Variants in COG5 observed in about 807,000 individuals in gnomAD.
The protein encoded by COG5 is conserved oligomeric Golgi complex subunit 5.
In COG5, 86 loss-of-function variants were observed where a neutral mutation model predicts 110.4. The ratio of observed to expected loss-of-function variants is 0.78; its 90% CI spans 0.65 to 0.93. The LOEUF (loss-of-function observed/expected upper bound fraction) is 0.93, where lower values mean the gene tolerates loss of function less well. Among genes scored for constraint, COG5 ranks in the 40% least tolerant of loss-of-function variants. The pLI is 0.00. For missense variants in COG5, 1,077 were observed against 987.0 expected, an observed-to-expected ratio of 1.09 and a Z score of -1.22; for synonymous variants, 360 against 334.6, an observed-to-expected ratio of 1.08 and a Z score of -0.83.
At chr7:107,541,326 G>A (rs1801968198) in intron 5 of COG5, among the ~76,000 whole-genome samples, 1 of 149,746 alleles carries the variant, frequency 6.7e-6, no homozygotes, top group South Asian at 2.1e-4. Flanking sequence ...ACAGAACCCG[G>A]TCTCTACAAA....
chr7:107,223,826 T>G (rs1800125118), intron 19 of COG5, among the ~76,000 whole-genome samples: 1 of 152,190 alleles, frequency 6.6e-6, no homozygotes, highest in Admixed American at 6.5e-5. Context: ...GCTGTGGGTT[T>G]TAATTGCCTC....
intron 6 of COG5, among the ~76,000 whole-genome samples, chr7:107,512,580 C>A (rs922130521): frequency 1.1e-4 from 17 of 152,168 alleles, no homozygotes; most frequent in Non-Finnish European, 2.4e-4. Flanking sequence ...AAAGAGCCCA[C>A]ATTGCCAAGT....
Position 107,283,668 on chromosome 7 carries a change from A to G in COG5, c.1378T>C (p.Ser460Pro), listed in dbSNP as rs1805373196. ...AAGTTGATAGGATCGAAGAGTCGAG[A>G]TAAGGATTTTGATAGATAAGCAGCC... is the stretch of plus-strand genomic sequence containing the variant. ...YEAAYLSKSLSRLFDPINLVF... is the reference protein window; with the variant it reads ...YEAAYLSKSLPRLFDPINLVF... Residue 460 changes from serine (S) to proline (P), a missense_variant, in exon 13 of 22, where the codon TCT becomes CCT. Ser to Pro is a moderately conservative substitution (Grantham distance 74, BLOSUM62 -1). Coordinates refer to ENST00000297135, the MANE Select transcript of COG5 (RefSeq NM_006348.5). 6.2e-7 allele frequency: 1 copy of G among 1,613,886 alleles called. No individual in the cohort carries two copies. The highest frequency in any genetic ancestry group is 1.3e-5 in the African/African-American group (1 of 74,916).
chr7:107,518,795 T>C (rs1800125433), intron 6 of COG5, among the ~76,000 whole-genome samples: 1 of 152,228 alleles, frequency 6.6e-6, no homozygotes, highest in Non-Finnish European at 1.5e-5. Context: ...GAACTCACTC[T>C]GGATCAAGTG....
chr7:107,487,391 G>A (rs988818982), intron 6 of COG5, among the ~76,000 whole-genome samples: 4 of 151,874 alleles, frequency 2.6e-5, no homozygotes, highest in African/African-American at 9.7e-5. Flanking sequence ...TTAAGAGATG[G>A]GGGTCTCACT....
chr7:107,335,215 C>T lies in COG5; in HGVS notation c.1027-10694G>A, dbSNP rs544319693. Among the ~76,000 whole-genome samples the T allele has an allele frequency of 5.3e-5, 8 of 152,164 alleles. No homozygotes were observed. In the South Asian group the frequency reaches 8.3e-4, roughly 16 times the overall value. On this transcript the variant is annotated intron_variant, in intron 10 of 21. Coordinates refer to ENST00000297135, the MANE Select transcript of COG5 (RefSeq NM_006348.5). ...GACCAGCCTGGCCAAGATGGTGAAA[C>T]CCTGCCTCTACTAAAAATACAAAAA...
chr7:107,478,140 G>A (rs563841362), intron 6 of COG5, among the ~76,000 whole-genome samples: 14 of 151,840 alleles, frequency 9.2e-5, no homozygotes, highest in South Asian at 2.1e-4. Flanking sequence ...GGCTTATTCC[G>A]CATAGTATTT....
intron 10 of COG5, among the ~76,000 whole-genome samples, chr7:107,358,917 T>C (rs760485536): frequency 8.5e-5 from 13 of 152,116 alleles, no homozygotes; most frequent in Admixed American, 5.9e-4. Flanking sequence ...TGCATCTTTT[T>C]TTCCTTTTGC....
chr7:107,471,493 T>C (rs1414800335), intron 6 of COG5: 2 of 151,962 alleles, frequency 1.3e-5, no homozygotes, highest in African/African-American at 4.8e-5. Context: ...CTTTAAGACA[T>C]TAAGGAGTTA....
In COG5 at chr7:107,283,465, A is replaced by C. The variant is rs960227620; in HGVS notation, c.1475+106T>G. On this transcript the variant is annotated intron_variant, in intron 13 of 21. Coordinates refer to ENST00000297135, the MANE Select transcript of COG5 (RefSeq NM_006348.5). ...AAATTCTTAATTTAATTGTGGGCCT[A>C]ATTACTTGAATAATTTGAAAATAAA... 7 of 962,346 alleles carry C rather than the reference A, an allele frequency of 7.3e-6. No homozygotes were observed. In the African/African-American group the frequency reaches 1.2e-4, roughly 16 times the overall value. The allele number at this position is 962,346 out of a possible 1,614,324, so 59.6% of individuals were successfully genotyped here.
chr7:107,272,072 G>A (rs1489837574), intron 14 of COG5, among the ~76,000 whole-genome samples: 1 of 152,036 alleles, frequency 6.6e-6, no homozygotes, highest in Non-Finnish European at 1.5e-5. Context: ...AAGAATCACA[G>A]GCCTCTTTAA....
At chr7:107,357,418 C>T (rs10281217) in intron 10 of COG5, among the ~76,000 whole-genome samples, 2,032 of 151,946 alleles carry the variant, frequency 0.013, 51 homozygotes, top group African/African-American at 0.047. Context: ...AAATATTGCC[C>T]TTAAAAAAAT....
At chr7:107,553,147 T>C (rs1803050918) in intron 3 of COG5, among the ~76,000 whole-genome samples, 3 of 152,166 alleles carry the variant, frequency 2.0e-5, no homozygotes, top group Admixed American at 2.0e-4. Flanking sequence ...CTATGCACAC[T>C]ACCTGGGTGA....
intron 10 of COG5, among the ~76,000 whole-genome samples, chr7:107,328,983 C>T (rs1369682114): frequency 3.9e-5 from 6 of 152,018 alleles, no homozygotes; most frequent in Non-Finnish European, 7.4e-5. Flanking sequence ...ACCACTGAAA[C>T]GCCAGCTTTT....
At chr7:107,563,094 T>C (rs1804028264) in intron 1 of COG5, among the ~76,000 whole-genome samples, 1 of 152,220 alleles carries the variant, frequency 6.6e-6, no homozygotes, top group African/African-American at 2.4e-5. Context: ...GATAAGAGAT[T>C]CGGGACATGG....
intron 19 of COG5, among the ~76,000 whole-genome samples, chr7:107,227,583 T>A (rs1800442518): frequency 6.6e-6 from 1 of 152,142 alleles, no homozygotes; most frequent in Admixed American, 6.5e-5. Flanking sequence ...TTAAAATAGA[T>A]GTCTTAAGTG....
intron 12 of COG5, among the ~76,000 whole-genome samples, chr7:107,289,621 C>G (rs1370717263): frequency 6.6e-6 from 1 of 152,264 alleles, no homozygotes; most frequent in East Asian, 1.9e-4. Flanking sequence ...AAGGTCAAGT[C>G]TTGCAATTCA....
chr7:107,341,260 T>A (rs955722053), intron 10 of COG5, among the ~76,000 whole-genome samples: 1 of 152,076 alleles, frequency 6.6e-6, no homozygotes. Context: ...AAATGAAGAA[T>A]GTAATCCCAT....
chr7:107,398,728 T>C (rs1446142791), intron 7 of COG5, among the ~76,000 whole-genome samples: 3 of 152,172 alleles, frequency 2.0e-5, no homozygotes, highest in South Asian at 2.1e-4. Context: ...TATGACTGTA[T>C]TTATATAAAA....
Sources: allele counts gnomAD v4.1 joint callset (sites outside exome capture counted in the v4.1 genomes callset), GRCh38; gene constraint gnomAD v4.1.1; transcripts MANE v1.5; gene names NCBI Gene and HGNC (gene_info 2026-07-23, HGNC 2026-07-21).